Variants in ANKRD12 observed in about 807,000 individuals in gnomAD.
The protein encoded by ANKRD12 is ankyrin repeat domain-containing protein 12.
ANKRD12 carries 85 observed loss-of-function variants against 183.4 expected under a neutral mutation model. The ratio of observed to expected loss-of-function variants is 0.46; its 90% confidence interval spans 0.39 to 0.56. The LOEUF (loss-of-function observed/expected upper bound fraction) is 0.56. Among genes scored for constraint, ANKRD12 ranks in the 20% least tolerant of loss-of-function variants. The pLI, the probability that ANKRD12 is intolerant of heterozygous loss-of-function variation, is 0.00. For missense variants in ANKRD12, 2,405 were observed against 2,357.1 expected (o/e 1.02, Z -0.42); for synonymous variants, 914 against 800.2 (o/e 1.14, Z -2.40).
intron 1 of ANKRD12, among the ~76,000 whole-genome samples, chr18:9,141,804 C>A (rs1366823053): frequency 6.6e-6 from 1 of 152,156 alleles, no homozygotes; most frequent in Non-Finnish European, 1.5e-5. Context: ...CAAATGTTAG[C>A]AATAAGTACA....
intron 9 of ANKRD12, among the ~76,000 whole-genome samples, chr18:9,263,028 C>T (rs113324943): frequency 6.6e-6 from 1 of 151,762 alleles, no homozygotes; most frequent in Non-Finnish European, 1.5e-5. Flanking sequence ...GAACTACTAA[C>T]CTCGTGATCC....
chr18:9,229,032 A>G (rs1040518293), intron 8 of ANKRD12, among the ~76,000 whole-genome samples: 7 of 151,934 alleles, frequency 4.6e-5, no homozygotes, highest in African/African-American at 1.7e-4. Flanking sequence ...GCATATGGTT[A>G]TCCAGTCTTC....
At chr18:9,200,857 G>A (rs1484410593) in intron 3 of ANKRD12, among the ~76,000 whole-genome samples, 2 of 152,220 alleles carry the variant, frequency 1.3e-5, no homozygotes. Flanking sequence ...TAGCAGTTCA[G>A]TAATGCCATC....
intron 1 of ANKRD12, among the ~76,000 whole-genome samples, chr18:9,169,903 G>A (rs1406667991): frequency 6.6e-6 from 1 of 152,132 alleles, no homozygotes; most frequent in African/African-American, 2.4e-5. Flanking sequence ...TTTAGGGCAG[G>A]CCTGGTAGTG....
intron 1 of ANKRD12, among the ~76,000 whole-genome samples, chr18:9,141,601 A>G (rs550551707): frequency 6.6e-6 from 1 of 152,348 alleles, no homozygotes; most frequent in African/African-American, 2.4e-5. Context: ...TAGATTATGA[A>G]GCTGAAAGTT....
chr18:9,232,389 G>T (rs2037103203), intron 8 of ANKRD12, among the ~76,000 whole-genome samples: 1 of 152,152 alleles, frequency 6.6e-6, no homozygotes, highest in South Asian at 2.1e-4. Context: ...AATTTTGTTG[G>T]ATGTAGTATC....
chr18:9,221,969 C>T lies in ANKRD12; in HGVS notation c.913C>T (p.Pro305Ser), dbSNP rs756217370. Reference sequence around the variant, plus strand: ...GGAGTTGCTACTAAAAAGAGAGGTGCCTTTATCTGATGATGATGAAAGTTA... The same window carrying T: ...GGAGTTGCTACTAAAAAGAGAGGTGTCTTTATCTGATGATGATGAAAGTTA... ...ELELLLKREV[P>S]LSDDDESYTD... The change falls in exon 8 of 13, where the codon CCT becomes TCT. Residue 305 changes from proline to serine, a missense_variant. By Grantham distance (74) the Pro-to-Ser change is moderately conservative. Transcript: ENST00000262126. 8 of 1,613,524 alleles carry T rather than the reference C, an allele frequency of 5.0e-6. No homozygotes were observed. The highest frequency in any genetic ancestry group is 2.2e-5 in the South Asian group (2 of 91,032).
rs1598518053 is a variant in ANKRD12 at position 9,195,770 on chromosome 18, A to G, written c.235+72A>G. ...TTCTGATTTTTGTTTCTTGTACACC[A>G]CTCCTCTTGACACCCCAGTTTATAG... On this transcript the variant is annotated intron_variant, in intron 3 of 12. Coordinates refer to ENST00000262126, the MANE Select transcript of ANKRD12 (RefSeq NM_015208.5). 12 of 1,295,050 alleles carry G rather than the reference A, an allele frequency of 9.3e-6. No homozygotes were observed. The East Asian group carries it at 3.0e-4, about 33-fold the overall frequency. 80.2% of individuals were successfully genotyped at this position (1,295,050 alleles called of 1,614,324 possible).
At position 9,148,313 on chromosome 18, in the gene ANKRD12, T is replaced by A. The variant is rs571862218; in HGVS notation, c.-52+11348T>A. 4.6e-5 allele frequency among the ~76,000 whole-genome samples: 7 copies of A among 150,740 alleles called. No individual in the cohort carries two copies. In the East Asian group the frequency reaches 7.8e-4, roughly 17 times the overall value. On this transcript the variant is annotated intron_variant, in intron 1 of 12. Transcript: ENST00000262126. ...TAACAATTCTGGAGGGAGGGAAAAA[T>A]ATATATATATACACACACACGTATG...
Position 9,258,631 on chromosome 18 carries a change from A to T in ANKRD12, c.5364A>T (p.Lys1788Asn). The change falls in exon 9 of 13, where the codon AAA becomes AAT. Residue 1788 changes from lysine (K) to asparagine (N), a missense_variant. Around this residue, in one of 7 missense-constraint regions of ANKRD12, gnomAD observed 1,983 missense variants for 1,725.9 expected, o/e 1.15. Coordinates refer to ENST00000262126, the MANE Select transcript of ANKRD12 (RefSeq NM_015208.5). ...DPQIHHPRKR[K>N]VSRVPQPVQV... ...AAATTCACCATCCACGGAAAAGGAA[A>T]GTGTCACGTGTACCTCAGCCTGTGC... is the stretch of plus-strand genomic sequence containing the variant. 1.2e-6 allele frequency: 2 copies of T among 1,613,954 alleles called. No individual in the cohort carries two copies. The highest frequency in any genetic ancestry group is 2.2e-5 in the South Asian group (2 of 91,064).
chr18:9,222,494 T>G (rs1455463528), intron 8 of ANKRD12, among the ~76,000 whole-genome samples: 1 of 151,994 alleles, frequency 6.6e-6, no homozygotes, highest in African/African-American at 2.4e-5. Flanking sequence ...AACACAATTT[T>G]TTTTTAAAGA....
At position 9,281,092 on chromosome 18, in the gene ANKRD12, A is replaced by T; in HGVS notation, c.6155A>T (p.Asp2052Val). 1 of 1,613,980 alleles carries T rather than the reference A, an allele frequency of 6.2e-7. No homozygotes were observed. Among genetic ancestry groups the T allele is most frequent in the Non-Finnish European group, 8.5e-7 (1 of 1,179,976 alleles). ...EIQEFYVPLV[D>V]VNDDFELTPI ...CAGGAGTTTTATGTTCCCCTTGTTG[A>T]TGTTAACGACGACTTTGAATTGACT... Residue 2052 changes from aspartate to valine, a missense_variant, in exon 13 of 13, where the codon GAT becomes GTT. By Grantham distance (152) the Asp-to-Val change is radical. This residue lies in a region of ANKRD12 where 162 missense variants were observed against 272.2 expected (regional missense o/e 0.60). Transcript: ENST00000262126.
chr18:9,201,185 A>C lies in ANKRD12; in HGVS notation c.236-3291A>C, dbSNP rs191645109. 2.6e-5 allele frequency among the ~76,000 whole-genome samples: 4 copies of C among 152,352 alleles called. No homozygotes were observed. In the East Asian group the frequency reaches 7.7e-4, roughly 29 times the overall value. ...ATGAATATTGTATAGGTATCGTATA[A>C]TATCTGCCCCCATATATAAAGTGTA... is the stretch of plus-strand genomic sequence containing the variant. On this transcript the variant is annotated intron_variant, in intron 3 of 12. Transcript: ENST00000262126.
chr18:9,163,741 T>A (rs900364929), intron 1 of ANKRD12, among the ~76,000 whole-genome samples: 2 of 152,170 alleles, frequency 1.3e-5, no homozygotes, highest in Non-Finnish European at 2.9e-5. Context: ...CTTGAAGAGG[T>A]CCTTCACCTC....
At chr18:9,145,278 A>G (rs1324859581) in intron 1 of ANKRD12, among the ~76,000 whole-genome samples, 1 of 152,200 alleles carries the variant, frequency 6.6e-6, no homozygotes, top group Non-Finnish European at 1.5e-5. Flanking sequence ...ATATGCCACC[A>G]TGCCAGACTC....
intron 1 of ANKRD12, among the ~76,000 whole-genome samples, chr18:9,156,249 T>A (rs1368990369): frequency 6.6e-6 from 1 of 152,026 alleles, no homozygotes; most frequent in Non-Finnish European, 1.5e-5. Context: ...ATTTTTATAT[T>A]TTTTTTGTCC....
At chr18:9,138,419 A>G (rs1334520151) in intron 1 of ANKRD12, among the ~76,000 whole-genome samples, 1 of 152,244 alleles carries the variant, frequency 6.6e-6, no homozygotes, top group East Asian at 1.9e-4. Context: ...AAGCCGAGGC[A>G]GGGGAATCGC....
rs867003955 is a variant in ANKRD12 at position 9,255,948 on chromosome 18, T to G, written c.2681T>G (p.Ile894Ser). ...GAGAAGAGCAAAAATACTGCTGCTA[T>G]TAAAAAAACTGACGACAGAGAGAAA... ...EGEKSKNTAA[I>S]KKTDDREKSR... The change falls in exon 9 of 13, where the codon ATT becomes AGT. Residue 894 changes from isoleucine (I) to serine (S), a missense_variant. Around this residue, in one of 7 missense-constraint regions of ANKRD12, gnomAD observed 1,983 missense variants for 1,725.9 expected, o/e 1.15. Coordinates refer to ENST00000262126, the MANE Select transcript of ANKRD12 (RefSeq NM_015208.5). 6.3e-7 allele frequency: 1 copy of G among 1,579,260 alleles called. No individual in the cohort carries two copies.
chr18:9,223,313 G>A (rs2036526523), intron 8 of ANKRD12, among the ~76,000 whole-genome samples: 1 of 151,700 alleles, frequency 6.6e-6, no homozygotes, highest in African/African-American at 2.4e-5. Context: ...GAGTGCAGTG[G>A]CGTGATCTCG....
Sources: gnomAD v4.1 joint callset for allele counts (sites outside exome capture counted in the v4.1 genomes callset) on GRCh38, gnomAD v4.1.1 for gene constraint, gnomAD v4.1.1 regional missense constraint, MANE v1.5 for transcripts, NCBI Gene and HGNC (gene_info 2026-07-23, HGNC 2026-07-21) for gene names.